Variants in FHL2 observed in about 807,000 individuals in gnomAD.
FHL2 encodes the protein four and a half LIM domains 2.
FHL2 carries 20 observed loss-of-function variants against 32.7 expected under a neutral mutation model. The ratio of observed to expected loss-of-function variants is 0.61; its 90% CI spans 0.43 to 0.89. The LOEUF (loss-of-function observed/expected upper bound fraction) is 0.89, where lower values mean the gene tolerates loss of function less well. Among genes scored for constraint, FHL2 ranks in the 40% least tolerant of loss-of-function variants. The pLI, the probability that FHL2 is intolerant of heterozygous loss-of-function variation, is 0.00. For synonymous variants in FHL2, 123 were observed against 128.1 expected, an observed-to-expected ratio of 0.96 and a Z score of 0.27; for missense variants, 311 against 358.6, an observed-to-expected ratio of 0.87 and a Z score of 1.07.
intron 1 of FHL2, among the ~76,000 whole-genome samples, chr2:105,406,008 C>T (rs922604486): frequency 3.3e-5 from 5 of 152,286 alleles, no homozygotes; most frequent in African/African-American, 1.2e-4. Context: ...CCCCATGGTA[C>T]AGATTTGTGT....
intron 1 of FHL2, among the ~76,000 whole-genome samples, chr2:105,422,486 T>C (rs1684133865): frequency 6.6e-6 from 1 of 152,180 alleles, no homozygotes; most frequent in Admixed American, 6.5e-5. Flanking sequence ...TAGTTTCCTC[T>C]TGGTTTAATT....
chr2:105,382,809 C>T (rs1034919966), intron 3 of FHL2, among the ~76,000 whole-genome samples: 6 of 152,178 alleles, frequency 3.9e-5, no homozygotes, highest in Non-Finnish European at 7.3e-5. Flanking sequence ...TTACGTGTGT[C>T]GCCCAGGGCT....
chr2:105,362,400 T>G (rs1680336674), intron 6 of FHL2, among the ~76,000 whole-genome samples: 1 of 152,194 alleles, frequency 6.6e-6, no homozygotes. Flanking sequence ...TTAGGTGAAC[T>G]TGGTTCTAGG....
chr2:105,414,733 A>G (rs2104660342), intron 1 of FHL2, among the ~76,000 whole-genome samples: 1 of 152,208 alleles, frequency 6.6e-6, no homozygotes, highest in South Asian at 2.1e-4. Context: ...TTATATTTTT[A>G]GTAGTGATGG....
In FHL2 at chr2:105,424,990, C is replaced by T. The variant is rs552432178; in HGVS notation, c.-25+13409G>A. Among the ~76,000 whole-genome samples, 7 of 152,146 alleles carry T rather than the reference C, an allele frequency of 4.6e-5. No individual in the cohort carries two copies. The South Asian group carries it at 1.0e-3, about 23-fold the overall frequency. On this transcript the variant is annotated intron_variant, in intron 1 of 5. Transcript: ENST00000393352. ...ACCTATGTAACAAACCTGCACATTCCGTACATGTACCCCAGAACTTAAAGT... is the reference window on the plus strand; with the variant it reads ...ACCTATGTAACAAACCTGCACATTCTGTACATGTACCCCAGAACTTAAAGT...
chr2:105,405,665 C>T (rs1030641120), intron 1 of FHL2, among the ~76,000 whole-genome samples: 1 of 152,372 alleles, frequency 6.6e-6, no homozygotes. Flanking sequence ...ATCCCAAGTT[C>T]TCTCTTCACT....
intron 1 of FHL2, among the ~76,000 whole-genome samples, chr2:105,410,534 A>G (rs1395520839): frequency 6.6e-6 from 1 of 152,150 alleles, no homozygotes; most frequent in African/African-American, 2.4e-5. Context: ...GCTACCTACT[A>G]GCAGATTTAG....
chr2:105,365,663 C>T (rs1680577079), intron 5 of FHL2, among the ~76,000 whole-genome samples: 1 of 147,804 alleles, frequency 6.8e-6, no homozygotes, highest in South Asian at 2.1e-4. Context: ...AGTGAGACAC[C>T]GTCTCTACTA....
At chr2:105,367,498 AGAAC>A in intron 5 of FHL2, 68 bp downstream of exon 5, 1 of 1,467,932 alleles carries the variant, frequency 6.8e-7, no homozygotes, top group Admixed American at 2.1e-5. Flanking sequence ...TTTTGGAAAG[AGAAC>A]TGACAGACAT....
rs1680230943 is a variant in FHL2, at chr2:105,361,234, A to T, written c.*49T>A. On this transcript the variant is annotated 3_prime_UTR_variant, in exon 7 of 7. Transcript: ENST00000530340. ...AGATTGCCTGGGTGAGAAAGAAAAC[A>T]TAAAAATCTGTGTGTGAGATCACAA... is the stretch of plus-strand genomic sequence containing the variant. The T allele has an allele frequency of 6.3e-7, 1 of 1,576,700 alleles. No homozygotes were observed.
intron 2 of FHL2, among the ~76,000 whole-genome samples, chr2:105,395,685 C>T (rs1683074802): frequency 6.6e-6 from 1 of 152,204 alleles, no homozygotes; most frequent in Non-Finnish European, 1.5e-5. Flanking sequence ...GCAGACAGGT[C>T]TATTTCCTTG....
chr2:105,387,804 A>G (rs569613231), intron 2 of FHL2, among the ~76,000 whole-genome samples: 3 of 152,374 alleles, frequency 2.0e-5, no homozygotes, highest in East Asian at 1.9e-4. Flanking sequence ...ACACATGTAC[A>G]TGAATGTTCA....
Position 105,396,638 on chromosome 2 carries a change from T to C in FHL2, c.-25+9A>G. ...ATTTAGGATAACAGAGGAAATTCAC[T>C]TGACTCACCCCAAAGTCAAAATGCC... On this transcript the variant is annotated intron_variant, in intron 2 of 6. Coordinates refer to ENST00000530340, the MANE Select transcript of FHL2 (RefSeq NM_001318895.3). The C allele has an allele frequency of 1.2e-6, 2 of 1,612,080 alleles. No homozygotes were observed. The highest frequency in any genetic ancestry group is 1.3e-5 in the African/African-American group (1 of 75,026).
At chr2:105,408,792 T>C (rs954710295) in intron 1 of FHL2, among the ~76,000 whole-genome samples, 1 of 152,142 alleles carries the variant, frequency 6.6e-6, no homozygotes, top group Non-Finnish European at 1.5e-5. Flanking sequence ...GCTGATAGGG[T>C]GACATTTTTG....
Position 105,373,689 on chromosome 2 carries a change from G to A in FHL2, c.201C>T (p.His67=), listed in dbSNP as rs1420820980. The change falls in exon 4 of 7, where the codon CAC becomes CAT. Residue 67 remains histidine (H), a synonymous_variant. Transcript: ENST00000530340. ...KDRHWHEACF[H]CSQCRNSLVD... is the part of the protein sequence containing the mutation. ...CCAGTGAGTTTCTGCACTGCGAGCAGTGGAAACAGGCTTCATGCCAGTGCC... is the reference window on the plus strand; with the variant it reads ...CCAGTGAGTTTCTGCACTGCGAGCAATGGAAACAGGCTTCATGCCAGTGCC... The A allele has an allele frequency of 1.2e-6, 2 of 1,614,210 alleles. No homozygotes were observed. The highest frequency in any genetic ancestry group is 1.7e-6 in the Non-Finnish European group (2 of 1,180,038).
chr2:105,425,826 C>T (rs1305778782), intron 1 of FHL2, among the ~76,000 whole-genome samples: 1 of 152,098 alleles, frequency 6.6e-6, no homozygotes, highest in East Asian at 1.9e-4. Flanking sequence ...TATTATCACG[C>T]TGCTCTCCTA....
chr2:105,372,510 C>T (rs539326579), intron 4 of FHL2, among the ~76,000 whole-genome samples: 1 of 152,238 alleles, frequency 6.6e-6, no homozygotes, highest in East Asian at 1.9e-4. Flanking sequence ...CAGGGGTGAG[C>T]CACCACACCT....
intron 1 of FHL2, among the ~76,000 whole-genome samples, chr2:105,431,936 G>A (rs1241723994): frequency 1.3e-5 from 2 of 152,204 alleles, no homozygotes; most frequent in African/African-American, 4.8e-5. Flanking sequence ...CAGCCAGAGT[G>A]GAGGATGTGC....
upstream of FHL2, among the ~76,000 whole-genome samples, chr2:105,400,996 A>C (rs1021307917): frequency 1.3e-5 from 2 of 151,792 alleles, no homozygotes; most frequent in Non-Finnish European, 2.9e-5. Context: ...AAAACAAGAG[A>C]GATGGAGACA....
Sources: allele counts gnomAD v4.1 joint callset (sites outside exome capture counted in the v4.1 genomes callset), GRCh38; gene constraint gnomAD v4.1.1; transcripts MANE v1.5; gene names NCBI Gene and HGNC (gene_info 2026-07-23, HGNC 2026-07-21).